CHCHD6: variants seen among roughly 807,000 people sequenced by gnomAD.
CHCHD6 encodes MICOS complex subunit MIC25.
In CHCHD6, 28 loss-of-function variants were observed where a neutral mutation model predicts 32.3. The ratio of observed to expected loss-of-function variants is 0.87; its 90% confidence interval spans 0.64 to 1.19. The LOEUF (loss-of-function observed/expected upper bound fraction) is 1.19, where lower values mean the gene tolerates loss of function less well. Ranked by LOEUF, CHCHD6 falls within the 50% of genes most tolerant of loss-of-function variation. The probability of loss-of-function intolerance (pLI) is 0.00; values close to 1 mark genes in which losing one functional copy is unlikely to be tolerated. For missense variants in CHCHD6, 333 were observed against 307.0 expected, an observed-to-expected ratio of 1.08 and a Z score of -0.63; for synonymous variants, 122 against 117.5, an observed-to-expected ratio of 1.04 and a Z score of -0.25.
At chr3:126,814,306 T>A (rs900515053) in intron 4 of CHCHD6, among the ~76,000 whole-genome samples, 38 of 152,356 alleles carry the variant, frequency 2.5e-4, no homozygotes, top group Admixed American at 1.5e-3. Context: ...AGTTTATGAA[T>A]ATGATATTTT....
At chr3:126,830,503 C>T (rs1258241342) in intron 4 of CHCHD6, among the ~76,000 whole-genome samples, 6 of 152,204 alleles carry the variant, frequency 3.9e-5, no homozygotes, top group African/African-American at 1.2e-4. Flanking sequence ...GTGGGCAGCA[C>T]GATCACAACA....
chr3:126,908,083 G>A (rs2078031274), intron 5 of CHCHD6, among the ~76,000 whole-genome samples: 2 of 984 alleles, frequency 2.0e-3, no homozygotes, highest in Admixed American at 0.043. Flanking sequence ...TGACCTGTTG[G>A]AAAATCTGCT....
Position 126,923,041 on chromosome 3 carries a change from C to T in CHCHD6, c.566+8291C>T, listed in dbSNP as rs147569808. Among the ~76,000 whole-genome samples, 510 of 152,316 alleles carry T rather than the reference C, an allele frequency of 3.3e-3. 6 individuals are homozygous for T. Among genetic ancestry groups the T allele is most frequent in the African/African-American group, 0.011 (476 of 41,574 alleles). On this transcript the variant is annotated intron_variant, in intron 6 of 7. Transcript: ENST00000290913. Reference sequence around the variant, plus strand: ...TGTCTTGTCCCCAGGGCAGATGTCACACAGGGACCCCAGTGGTCTGCTGAA... The same window carrying T: ...TGTCTTGTCCCCAGGGCAGATGTCATACAGGGACCCCAGTGGTCTGCTGAA...
At chr3:126,788,811 C>A (rs529573641) in intron 4 of CHCHD6, among the ~76,000 whole-genome samples, 34 of 152,226 alleles carry the variant, frequency 2.2e-4, no homozygotes, top group Admixed American at 2.2e-3. Context: ...TTTTTTGTGT[C>A]TCTATCTCCT....
chr3:126,918,532 A>G (rs1007718183), intron 6 of CHCHD6, among the ~76,000 whole-genome samples: 11 of 152,266 alleles, frequency 7.2e-5, no homozygotes, highest in African/African-American at 2.7e-4. Flanking sequence ...TTAACTGATT[A>G]TAGCAATGAG....
At chr3:126,911,477 C>T (rs1291444792) in intron 5 of CHCHD6, among the ~76,000 whole-genome samples, 1 of 152,186 alleles carries the variant, frequency 6.6e-6, no homozygotes, top group African/African-American at 2.4e-5. Context: ...CGGAGACCTT[C>T]GAGTGCCAAG....
chr3:126,780,693 T>G (rs1937893638), intron 4 of CHCHD6, among the ~76,000 whole-genome samples: 1 of 152,124 alleles, frequency 6.6e-6, no homozygotes. Context: ...TTTCAGGCCT[T>G]TGGATTAATT....
At position 126,712,693 on chromosome 3, in the gene CHCHD6, C is replaced by T. The variant is rs534465766; in HGVS notation, c.87+8294C>T. Reference sequence around the variant, plus strand: ...CCTGTGTCTGGTAGGAGCTTCTGACCGTTTCTGAGCCTGCTATCCCTTCTG... The same window carrying T: ...CCTGTGTCTGGTAGGAGCTTCTGACTGTTTCTGAGCCTGCTATCCCTTCTG... On this transcript the variant is annotated intron_variant, in intron 1 of 7. Transcript: ENST00000290913. Among the ~76,000 whole-genome samples, 30 of 152,252 alleles carry T rather than the reference C, an allele frequency of 2.0e-4. No homozygotes were observed. In the South Asian group the frequency reaches 5.4e-3, roughly 27 times the overall value.
intron 5 of CHCHD6, among the ~76,000 whole-genome samples, chr3:126,889,222 G>T (rs2077722216): frequency 1.3e-5 from 2 of 152,168 alleles, no homozygotes; most frequent in Non-Finnish European, 1.5e-5. Flanking sequence ...AGGGCCCAGG[G>T]CAGGGCTGCT....
intron 5 of CHCHD6, among the ~76,000 whole-genome samples, chr3:126,874,990 T>G (rs965352045): frequency 6.6e-6 from 1 of 152,202 alleles, no homozygotes; most frequent in Non-Finnish European, 1.5e-5. Flanking sequence ...TTCTGGGACC[T>G]TGTATTAAAT....
At chr3:126,905,334 T>C (rs2077989656) in intron 5 of CHCHD6, among the ~76,000 whole-genome samples, 1 of 152,150 alleles carries the variant, frequency 6.6e-6, no homozygotes, top group Non-Finnish European at 1.5e-5. Flanking sequence ...AGGAATGACA[T>C]TATTCAGCAG....
chr3:126,927,726 A>G (rs1195680402), intron 6 of CHCHD6, among the ~76,000 whole-genome samples: 3 of 152,210 alleles, frequency 2.0e-5, no homozygotes, highest in Non-Finnish European at 2.9e-5. Flanking sequence ...TTACATTTAG[A>G]TTAGCTTCTG....
intron 5 of CHCHD6, among the ~76,000 whole-genome samples, chr3:126,906,517 G>C (rs533943045): frequency 6.6e-6 from 1 of 152,288 alleles, no homozygotes; most frequent in African/African-American, 2.4e-5. Flanking sequence ...CGCTCATCTT[G>C]CTGCTTTACG....
At chr3:126,722,483 T>C (rs1935353102) in intron 1 of CHCHD6, among the ~76,000 whole-genome samples, 1 of 152,216 alleles carries the variant, frequency 6.6e-6, no homozygotes, top group Non-Finnish European at 1.5e-5. Context: ...GACCTTTTAA[T>C]TATAGCCATC....
At chr3:126,830,128 A>G (rs889483257) in intron 4 of CHCHD6, among the ~76,000 whole-genome samples, 3 of 152,060 alleles carry the variant, frequency 2.0e-5, no homozygotes, top group Admixed American at 2.0e-4. Context: ...AAATAAATAA[A>G]TCATGTTTGT....
intron 6 of CHCHD6, among the ~76,000 whole-genome samples, chr3:126,952,859 G>A (rs2078734477): frequency 6.6e-6 from 1 of 152,130 alleles, no homozygotes; most frequent in Admixed American, 6.5e-5. Flanking sequence ...TGTGGTCTCA[G>A]CCGACAGGGT....
chr3:126,780,477 A>T (rs925356336), intron 4 of CHCHD6: 8 of 278,740 alleles, frequency 2.9e-5, no homozygotes, highest in African/African-American at 1.8e-4. Context: ...GAGGTAGCTG[A>T]TGCATATACA....
At chr3:126,853,042 G>A (rs1941532146) in intron 5 of CHCHD6, among the ~76,000 whole-genome samples, 1 of 152,174 alleles carries the variant, frequency 6.6e-6, no homozygotes, top group African/African-American at 2.4e-5. Context: ...GGGCGGTGCT[G>A]AGTCCCAGTA....
intron 4 of CHCHD6, among the ~76,000 whole-genome samples, chr3:126,778,982 G>T (rs938279954): frequency 6.6e-6 from 1 of 150,450 alleles, no homozygotes; most frequent in Non-Finnish European, 1.5e-5. Flanking sequence ...GCCTAGGCTG[G>T]TCTTGAACTT....
Sources: gnomAD v4.1 joint callset for allele counts (sites outside exome capture counted in the v4.1 genomes callset) on GRCh38, gnomAD v4.1.1 for gene constraint, MANE v1.5 for transcripts, NCBI Gene and HGNC (gene_info 2026-07-23, HGNC 2026-07-21) for gene names.